Variants in TBX15 observed in about 807,000 individuals in gnomAD.
TBX15 encodes the protein T-box transcription factor 15, also known as T-box transcription factor TBX15.
TBX15 carries 18 observed loss-of-function variants against 53.9 expected under a neutral mutation model. The observed-to-expected ratio is 0.33, with a 90% confidence interval of 0.23 to 0.49. The LOEUF (loss-of-function observed/expected upper bound fraction) is 0.49, where lower values mean the gene tolerates loss of function less well. Ranked by LOEUF, TBX15 falls within the 20% of genes least tolerant of loss-of-function variation. The pLI is 0.98. For synonymous variants in TBX15, 295 were observed against 278.0 expected (o/e 1.06, Z -0.61); for missense variants, 692 against 749.5 (o/e 0.92, Z 0.90).
chr1:118,923,302 ATAGT>A (rs1655486123), intron 5 of TBX15, 130 bp downstream of exon 5: 1 of 1,133,676 alleles, frequency 8.8e-7, no homozygotes, highest in African/African-American at 1.5e-5. Flanking sequence ...CTAACACTGT[ATAGT>A]ACTTAACATT....
intron 1 of TBX15, among the ~76,000 whole-genome samples, chr1:118,942,150 T>A (rs1656196859): frequency 6.6e-6 from 1 of 152,170 alleles, no homozygotes; most frequent in Admixed American, 6.5e-5. Flanking sequence ...AATGAAGATA[T>A]GTCTGTGAGA....
intron 1 of TBX15, among the ~76,000 whole-genome samples, chr1:118,968,341 AGT>A (rs1444884002): frequency 1.3e-5 from 2 of 152,058 alleles, no homozygotes; most frequent in Admixed American, 6.6e-5. Flanking sequence ...CAGTCTCCAG[AGT>A]AGCTGGGATT....
chr1:118,927,761 A>G (rs772355193), intron 2 of TBX15, among the ~76,000 whole-genome samples: 1 of 152,228 alleles, frequency 6.6e-6, no homozygotes, highest in Non-Finnish European at 1.5e-5. Context: ...TTGAGTTTCA[A>G]TAAGTCTAGA....
intron 1 of TBX15, among the ~76,000 whole-genome samples, chr1:118,980,587 C>T (rs1315614660): frequency 1.3e-5 from 2 of 152,146 alleles, no homozygotes; most frequent in East Asian, 1.9e-4. Context: ...CCCCAAATCA[C>T]GATGTTTCTC....
intron 6 of TBX15, among the ~76,000 whole-genome samples, chr1:118,903,533 CT>C (rs1557877171): frequency 6.6e-6 from 1 of 151,862 alleles, no homozygotes; most frequent in African/African-American, 2.4e-5. Context: ...TGTTTATTTT[CT>C]CTTTAGTTCT....
intron 6 of TBX15, among the ~76,000 whole-genome samples, chr1:118,909,072 A>T (rs1654940284): frequency 6.6e-6 from 1 of 152,168 alleles, no homozygotes; most frequent in South Asian, 2.1e-4. Context: ...CACTTCCTAA[A>T]GAAGCAGGGA....
intron 1 of TBX15, among the ~76,000 whole-genome samples, chr1:118,953,296 G>A (rs972766821): frequency 2.6e-5 from 4 of 152,044 alleles, no homozygotes; most frequent in Non-Finnish European, 4.4e-5. Context: ...CCAACCAAAC[G>A]TAAAATACAA....
At position 118,899,073 on chromosome 1, in the gene TBX15, G is replaced by A. The variant is rs762139183; in HGVS notation, c.979C>T (p.Arg327Cys). The A allele has an allele frequency of 8.0e-5, 129 of 1,613,480 alleles. No homozygotes were observed. Among genetic ancestry groups the A allele is most frequent in the Admixed American group, 2.7e-4 (16 of 59,922 alleles). The change falls in exon 7 of 8, where the codon CGC (arginine) becomes TGC (cysteine). Residue 327 changes from arginine (R) to cysteine (C), a missense_variant. By Grantham distance (180) the Arg-to-Cys change is radical. Coordinates refer to ENST00000369429, the MANE Select transcript of TBX15 (RefSeq NM_001330677.2). ...GTGAAGTCTTCGAAGGTGAGTGTGC[G>A]CACAGGAGGTCTCCAGAATGCATAT... ...ETYAFWRPPV[R>C]TLTFEDFTTM...
rs1259729574 is a variant in TBX15 at position 118,884,615 on chromosome 1, A to C, written c.*117T>G. 3 of 1,307,704 alleles carry C rather than the reference A, an allele frequency of 2.3e-6. No individual in the cohort carries two copies. The highest frequency in any genetic ancestry group is 3.1e-6 in the Non-Finnish European group (3 of 959,134). 81.0% of individuals were successfully genotyped at this position (1,307,704 alleles called of 1,614,324 possible). ...ATATGTCTTCGGCCAGAAAAAAAAAAAAAAAAAAAACACGGTTCCTGTTTT... is the reference window on the plus strand; with the variant it reads ...ATATGTCTTCGGCCAGAAAAAAAAACAAAAAAAAAACACGGTTCCTGTTTT... On this transcript the variant is annotated 3_prime_UTR_variant, in exon 8 of 8. Coordinates refer to ENST00000369429, the MANE Select transcript of TBX15 (RefSeq NM_001330677.2).
intron 6 of TBX15, among the ~76,000 whole-genome samples, chr1:118,902,732 G>C (rs72705326): frequency 6.6e-6 from 1 of 152,214 alleles, no homozygotes; most frequent in Non-Finnish European, 1.5e-5. Context: ...CAGAGTCTGA[G>C]TTCCCTTGCA....
At chr1:118,899,854 C>T (rs952191975) in intron 6 of TBX15, among the ~76,000 whole-genome samples, 9 of 152,174 alleles carry the variant, frequency 5.9e-5, no homozygotes, top group African/African-American at 1.9e-4. Context: ...AAGTATCCAA[C>T]ATTTTACGAG....
rs7532756 is a variant in TBX15 at position 118,885,692 on chromosome 1, T to C, written c.1025-176A>G. 0.059 allele frequency among the ~76,000 whole-genome samples: 8,932 copies of C among 152,064 alleles called. 858 individuals carry two copies. Among genetic ancestry groups the C allele is most frequent in the African/African-American group, 0.21 (8,499 of 41,434 alleles). ...TGCTAAGCGATTCCACCTGTGGACATATACACAGTCATACAGTCTCTCACA... is the reference window on the plus strand; with the variant it reads ...TGCTAAGCGATTCCACCTGTGGACACATACACAGTCATACAGTCTCTCACA... On this transcript the variant is annotated intron_variant, in intron 7 of 7. Transcript: ENST00000369429.
At position 118,987,743 on chromosome 1, in the gene TBX15, A is replaced by C; in HGVS notation, c.53T>G (p.Phe18Cys). The change falls in exon 1 of 8, where the codon TTC becomes TGC. Residue 18 changes from phenylalanine (F) to cysteine (C), a missense_variant. This residue lies in a region of TBX15 where 307 missense variants were observed against 347.5 expected (regional missense o/e 0.88). Coordinates refer to ENST00000369429, the MANE Select transcript of TBX15 (RefSeq NM_001330677.2). ...AVALSSRAHA[F>C]SVEALIGSNK... ...TGAGCCGATCAAGGCTTCAACGGAGAAGGCATGTGCTCGCGAGCTCAGGGC... is the reference window on the plus strand; with the variant it reads ...TGAGCCGATCAAGGCTTCAACGGAGCAGGCATGTGCTCGCGAGCTCAGGGC... The C allele has an allele frequency of 6.5e-7, 1 of 1,550,310 alleles. No homozygotes were observed. The highest frequency in any genetic ancestry group is 8.7e-7 in the Non-Finnish European group (1 of 1,146,836).
intron 1 of TBX15, among the ~76,000 whole-genome samples, chr1:118,932,349 T>A (rs1173577936): frequency 6.6e-6 from 1 of 152,206 alleles, no homozygotes; most frequent in African/African-American, 2.4e-5. Context: ...TCTACTTACA[T>A]AAGCCATGGC....
At chr1:118,912,429 C>T (rs561663690) in intron 6 of TBX15, among the ~76,000 whole-genome samples, 4 of 151,930 alleles carry the variant, frequency 2.6e-5, no homozygotes, top group African/African-American at 7.3e-5. Context: ...AAAATCTATC[C>T]ATGTACTTCA....
intron 1 of TBX15, among the ~76,000 whole-genome samples, chr1:118,951,182 A>G (rs1369161983): frequency 6.6e-6 from 1 of 152,220 alleles, no homozygotes; most frequent in Non-Finnish European, 1.5e-5. Flanking sequence ...TGACAGGAGA[A>G]AAAAGATTCC....
chr1:118,949,014 G>A (rs1401185074), intron 1 of TBX15, among the ~76,000 whole-genome samples: 1 of 152,160 alleles, frequency 6.6e-6, no homozygotes, highest in Non-Finnish European at 1.5e-5. Flanking sequence ...TAGGAAGGGA[G>A]AGCAAATGAG....
chr1:118,884,801 G>T lies in TBX15; in HGVS notation c.1740C>A (p.Asn580Lys). 6.2e-7 allele frequency: 1 copy of T among 1,614,086 alleles called. No individual in the cohort carries two copies. Among genetic ancestry groups the T allele is most frequent in the Non-Finnish European group, 8.5e-7 (1 of 1,180,008 alleles). The change falls in exon 8 of 8, where the codon AAC (asparagine) becomes AAA (lysine). Residue 580 changes from asparagine (N) to lysine (K), a missense_variant. Transcript: ENST00000369429. ...CCCCATACTGCCGGCCATCACAAGT[G>T]TTGGTTGCCTGTTGGTTATTGGGTG... ...SPSPNNQQAT[N>K]TCDGRQYGAV...
rs768180065 is a variant in TBX15, at chr1:118,943,831, G to A, written c.206-11999C>T. 2.8e-4 allele frequency among the ~76,000 whole-genome samples: 42 copies of A among 152,148 alleles called. 1 individual carries two copies. The highest frequency in any genetic ancestry group is 2.7e-3 in the Admixed American group (42 of 15,276). On this transcript the variant is annotated intron_variant, in intron 1 of 7. Transcript: ENST00000369429. Reference sequence around the variant, plus strand: ...TAGGTGAGGCTCCCAGGGAGCACGAGCAGGAGGCCTGAAAGGTAGGCATTT... The same window carrying A: ...TAGGTGAGGCTCCCAGGGAGCACGAACAGGAGGCCTGAAAGGTAGGCATTT...
Sources: gnomAD v4.1 joint callset for allele counts (sites outside exome capture counted in the v4.1 genomes callset) on GRCh38, gnomAD v4.1.1 for gene constraint, gnomAD v4.1.1 regional missense constraint, MANE v1.5 for transcripts, NCBI Gene and HGNC (gene_info 2026-07-23, HGNC 2026-07-21) for gene names.